The following AHRR variants were observed in gnomAD, a reference collection of about 807,000 sequenced individuals.
AHRR encodes the protein ahR repressor.
In AHRR, 28 loss-of-function variants were observed where a neutral mutation model predicts 44.0. The ratio of observed to expected loss-of-function variants is 0.64; its 90% CI spans 0.47 to 0.87. The LOEUF (loss-of-function observed/expected upper bound fraction) is 0.87, where lower values mean the gene tolerates loss of function less well. Ranked by LOEUF, AHRR falls within the 40% of genes least tolerant of loss-of-function variation. The probability of loss-of-function intolerance (pLI) is 0.00; values close to 1 mark genes in which losing one functional copy is unlikely to be tolerated. For missense variants in AHRR, 990 were observed against 953.9 expected, an observed-to-expected ratio of 1.04 and a Z score of -0.50; for synonymous variants, 434 against 407.0, an observed-to-expected ratio of 1.07 and a Z score of -0.80.
chr5:399,835 G>T (rs563935786), intron 4 of AHRR, among the ~76,000 whole-genome samples: 1 of 152,216 alleles, frequency 6.6e-6, no homozygotes, highest in Non-Finnish European at 1.5e-5. Context: ...GTGGCCATCC[G>T]GCCAGCTGCA....
At position 376,690 on chromosome 5, in the gene AHRR, G is replaced by T. The variant is rs202003342; in HGVS notation, c.325G>T (p.Val109Leu). 1 of 1,609,440 alleles carries T rather than the reference G, an allele frequency of 6.2e-7. No homozygotes were observed. The highest frequency in any genetic ancestry group is 8.5e-7 in the Non-Finnish European group (1 of 1,178,368). The change falls in exon 4 of 11, where the codon GTG (valine) becomes TTG (leucine). Residue 109 changes from valine (V) to leucine (L), a missense_variant. Physicochemically the swap from Val to Leu is conservative, Grantham distance 32. Coordinates refer to ENST00000684583, the MANE Select transcript of AHRR (RefSeq NM_001377236.1). ...CAGCTGTCCTCTTGCAGGGTCTGCC[G>T]TGCTGGAGGGAAGGCTGCTGTTGGA... is the stretch of plus-strand genomic sequence containing the variant. ...GDSCPLAGSA[V>L]LEGRLLLESL...
rs1733964978 is a variant in AHRR at position 381,146 on chromosome 5, G to A, written c.351+4430G>A. On this transcript the variant is annotated intron_variant, in intron 4 of 10. Transcript: ENST00000684583. ...CCTGTTTTTCCCAGCTGGGCCTCCA[G>A]CCAGTGGAACTGACCCACATTAAGG... Among the ~76,000 whole-genome samples the A allele has an allele frequency of 2.0e-5, 3 of 152,308 alleles. No homozygotes were observed. In the South Asian group the frequency reaches 6.2e-4, roughly 32 times the overall value.
intron 1 of AHRR, among the ~76,000 whole-genome samples, chr5:331,044 T>C (rs1055023092): frequency 6.6e-6 from 1 of 151,744 alleles, no homozygotes; most frequent in Admixed American, 6.6e-5. Flanking sequence ...GCCCAGCTAA[T>C]TTTTGTATTT....
intron 2 of AHRR, among the ~76,000 whole-genome samples, chr5:345,182 ATGTG>A (rs370649210): frequency 0.057 from 49 of 864 alleles, 9 homozygotes; most frequent in Non-Finnish European, 0.081. Context: ...GTGTGTGGGG[ATGTG>A]TGTGTGTGTG....
chr5:359,359 C>T (rs11747447), intron 3 of AHRR, among the ~76,000 whole-genome samples: 2 of 85,800 alleles, frequency 2.3e-5, no homozygotes, highest in African/African-American at 6.2e-5. Flanking sequence ...GGAGTCCACC[C>T]GGGCAGTCAG....
intron 5 of AHRR, among the ~76,000 whole-genome samples, chr5:417,151 C>A (rs1286040675): frequency 1.5e-5 from 2 of 136,852 alleles, no homozygotes; most frequent in Non-Finnish European, 3.1e-5. Context: ...GGGCCTGAGT[C>A]TGGAGAAGGC....
At chr5:393,524 A>G (rs991263421) in intron 4 of AHRR, among the ~76,000 whole-genome samples, 1 of 152,124 alleles carries the variant, frequency 6.6e-6, no homozygotes, top group African/African-American at 2.4e-5. Flanking sequence ...AGCCTGTCCC[A>G]GTGTCTGCAG....
Position 434,078 on chromosome 5 carries a change from C to A in AHRR, c.1338C>A (p.Asn446Lys), listed in dbSNP as rs998253405. ...CGTGTGTCCAGGGCACTTTCAGGAA[C>A]TCGCCCATCTCTCACCCGCCGAGCC... ...PCPCVQGTFR[N>K]SPISHPPSPS... Residue 446 changes from asparagine (N) to lysine (K), a missense_variant, in exon 11 of 11, where the codon AAC becomes AAA. By Grantham distance (94) the Asn-to-Lys change is moderately conservative (BLOSUM62 0). Coordinates refer to ENST00000684583, the MANE Select transcript of AHRR (RefSeq NM_001377236.1). 6.2e-7 allele frequency: 1 copy of A among 1,612,796 alleles called. No homozygotes were observed. Among genetic ancestry groups the A allele is most frequent in the African/African-American group, 1.3e-5 (1 of 74,926 alleles).
Position 405,830 on chromosome 5 carries a change from T to C in AHRR, c.352-7514T>C, listed in dbSNP as rs1004791906. The stretch of plus-strand genomic sequence containing the variant: ...GTGTGACTTTTCTTTTTGGATACTT[T>C]ACTGATTGAAAAATATGGCTTTGCA... On this transcript the variant is annotated intron_variant, in intron 4 of 10. Coordinates refer to ENST00000684583, the MANE Select transcript of AHRR (RefSeq NM_001377236.1). This position sits in a 1 kb window ranked among gnomAD's most constrained non-coding sequence, Gnocchi z 4.5. 6.6e-6 allele frequency among the ~76,000 whole-genome samples: 1 copy of C among 152,240 alleles called. No individual in the cohort carries two copies. Among genetic ancestry groups the C allele is most frequent in the Non-Finnish European group, 1.5e-5 (1 of 68,036 alleles).
At chr5:344,075 G>C in intron 2 of AHRR, 111 bp downstream of exon 2, 3 of 1,221,940 alleles carry the variant, frequency 2.5e-6, no homozygotes, top group Non-Finnish European at 3.4e-6. Context: ...GGAAGGCTTC[G>C]GGAGCCGGGC....
At chr5:421,908 T>A (rs1287004581) in intron 5 of AHRR, among the ~76,000 whole-genome samples, 1 of 152,234 alleles carries the variant, frequency 6.6e-6, no homozygotes, top group Non-Finnish European at 1.5e-5. Flanking sequence ...AAGAACCACT[T>A]GGTTATTATC....
chr5:398,409 C>T (rs116317066), intron 4 of AHRR, among the ~76,000 whole-genome samples: 1 of 135,382 alleles, frequency 7.4e-6, no homozygotes, highest in African/African-American at 2.8e-5. Flanking sequence ...GACTGTCCAC[C>T]TTAGCCCCTG....
chr5:406,282 AGGAACATGGAGGGACC>A lies in AHRR; in HGVS notation c.352-7045_352-7030del, dbSNP rs1342502620. Among the ~76,000 whole-genome samples the A allele has an allele frequency of 5.9e-5, 9 of 152,272 alleles. No homozygotes were observed. The highest frequency in any genetic ancestry group is 1.0e-4 in the Non-Finnish European group (7 of 68,026). On this transcript the variant is annotated intron_variant, in intron 4 of 10. Coordinates refer to ENST00000684583, the MANE Select transcript of AHRR (RefSeq NM_001377236.1). This position sits in a 1 kb window ranked among gnomAD's most constrained non-coding sequence, Gnocchi z 4.7. ...GCCGCCTCTTGTCTGCATTTCTTGC[AGGAACATGGAGGGACC>A]GGAACATGGAGGGACCAGTCCAGAA... is the stretch of plus-strand genomic sequence containing the variant.
intron 5 of AHRR, among the ~76,000 whole-genome samples, chr5:415,598 A>AGTCTGCCTGGTGGGGCGGG (rs1735739129): frequency 7.6e-6 from 1 of 130,766 alleles, no homozygotes; most frequent in Non-Finnish European, 1.6e-5. Context: ...CTAGGGGCCG[A>AGTCTGCCTGGTGGGGCGGG]ATCTGCCTGG....
rs935909849 is a variant in AHRR, at chr5:388,205, T to C, written c.351+11489T>C. Reference sequence around the variant, plus strand: ...CTGTGCTTACCTCACAGCTCTATCGTACCAGACAGGGGAAAGCTCAGGTTG... The same window carrying C: ...CTGTGCTTACCTCACAGCTCTATCGCACCAGACAGGGGAAAGCTCAGGTTG... On this transcript the variant is annotated intron_variant, in intron 4 of 10. Transcript: ENST00000684583. This position sits in a 1 kb window ranked among gnomAD's most constrained non-coding sequence, Gnocchi z 5.2. Among the ~76,000 whole-genome samples, 2 of 152,284 alleles carry C rather than the reference T, an allele frequency of 1.3e-5. No homozygotes were observed. The highest frequency in any genetic ancestry group is 4.8e-5 in the African/African-American group (2 of 41,564).
At chr5:384,373 T>G (rs562035729) in intron 4 of AHRR, among the ~76,000 whole-genome samples, 108 of 152,278 alleles carry the variant, frequency 7.1e-4, no homozygotes, top group African/African-American at 2.5e-3. Context: ...CTCTTACACT[T>G]TTGCTTTATA....
chr5:424,056 AAG>A lies in AHRR; in HGVS notation c.708+82_708+83del, dbSNP rs1736263215. ...CCTGGTGTGGAAGGAAACAGAGGGC[AAG>A]AGGGGGTGGGGGCGTTAAACCACAT... On this transcript the variant is annotated intron_variant, in intron 7 of 10. Transcript: ENST00000684583. The A allele has an allele frequency of 5.2e-6, 8 of 1,535,034 alleles. No homozygotes were observed. In the East Asian group the frequency reaches 1.8e-4, roughly 35 times the overall value.
At chr5:323,163 A>T (rs1041462352) in intron 1 of AHRR, among the ~76,000 whole-genome samples, 1 of 151,968 alleles carries the variant, frequency 6.6e-6, no homozygotes, top group Non-Finnish European at 1.5e-5. Context: ...TCCCCCAATT[A>T]CCTATGAGGC....
chr5:378,832 G>A lies in AHRR; in HGVS notation c.351+2116G>A, dbSNP rs1426078406. ...CTCACTGGAGCCACGGATGTGGCCT[G>A]TCTCGGGCTAGGATGCTGTCTCACT... On this transcript the variant is annotated intron_variant, in intron 4 of 10. Coordinates refer to ENST00000684583, the MANE Select transcript of AHRR (RefSeq NM_001377236.1). Among the ~76,000 whole-genome samples the A allele has an allele frequency of 3.3e-5, 5 of 152,262 alleles. No individual in the cohort carries two copies. In the East Asian group the frequency reaches 9.6e-4, roughly 29 times the overall value.
Sources: allele counts gnomAD v4.1 joint callset (sites outside exome capture counted in the v4.1 genomes callset), GRCh38; gene constraint gnomAD v4.1.1; non-coding constraint Gnocchi (gnomAD v3.1); transcripts MANE v1.5; gene names NCBI Gene and HGNC (gene_info 2026-07-23, HGNC 2026-07-21).